The following SEMA3D variants were observed in gnomAD, a reference collection of about 807,000 sequenced individuals.
SEMA3D encodes the protein semaphorin 3D, also known as semaphorin-3D.
A neutral mutation model predicts 100.1 loss-of-function variants in SEMA3D; 84 were observed. That is an observed-to-expected ratio of 0.84 (90% CI 0.70 to 1.01). The LOEUF (loss-of-function observed/expected upper bound fraction) is 1.01. Among genes scored for constraint, SEMA3D ranks in the 50% least tolerant of loss-of-function variants. SEMA3D has a pLI of 0.00. For missense variants in SEMA3D, 875 were observed against 934.1 expected, an observed-to-expected ratio of 0.94 and a Z score of 0.82; for synonymous variants, 312 against 320.7, an observed-to-expected ratio of 0.97 and a Z score of 0.29.
At chr7:85,083,710 G>A (rs1361252768) in intron 4 of SEMA3D, among the ~76,000 whole-genome samples, 8 of 151,642 alleles carry the variant, frequency 5.3e-5, no homozygotes, top group Admixed American at 1.3e-4. Context: ...AGCCGGGCGT[G>A]GTGGCGGGCG....
chr7:84,996,706 C>G lies in SEMA3D; in HGVS notation c.*2734G>C, dbSNP rs1789510503. On this transcript the variant is annotated 3_prime_UTR_variant, in exon 19 of 19. Coordinates refer to ENST00000284136, the MANE Select transcript of SEMA3D (RefSeq NM_001384900.1). Reference sequence around the variant, plus strand: ...AAAGAACACACAAGGCAGACAAAGACAAAAGTATTAGAGACAAGAAAAATA... The same window carrying G: ...AAAGAACACACAAGGCAGACAAAGAGAAAAGTATTAGAGACAAGAAAAATA... 1 of 152,160 alleles carries G rather than the reference C, an allele frequency of 6.6e-6. No homozygotes were observed. Among genetic ancestry groups the G allele is most frequent in the South Asian group, 2.1e-4 (1 of 4,828 alleles). The allele number at this position is 152,160 out of a possible 1,614,324, so 9.4% of individuals were successfully genotyped here.
intron 12 of SEMA3D, among the ~76,000 whole-genome samples, chr7:85,027,083 C>CA (rs1385522553): frequency 3.3e-5 from 5 of 152,004 alleles, no homozygotes; most frequent in Non-Finnish European, 7.4e-5. Flanking sequence ...AAAGCAAAAT[C>CA]AGAAACCAAG....
At chr7:85,027,399 G>A (rs1790420915) in intron 12 of SEMA3D, among the ~76,000 whole-genome samples, 1 of 151,986 alleles carries the variant, frequency 6.6e-6, no homozygotes, top group Admixed American at 6.6e-5. Context: ...GAAATTTTTA[G>A]CATTTGCCAT....
At chr7:85,200,768 T>A in the SEMA3D span, among the ~76,000 whole-genome samples, 1 of 152,090 alleles carries the variant, frequency 6.6e-6, no homozygotes, top group African/African-American at 2.4e-5. Flanking sequence ...GCCCCTCCCA[T>A]CACAGGCCAG....
chr7:85,150,621 A>G (rs923383523), intron 2 of SEMA3D, among the ~76,000 whole-genome samples: 6 of 151,312 alleles, frequency 4.0e-5, no homozygotes, highest in Non-Finnish European at 7.4e-5. Context: ...CAATGTACTA[A>G]TCAATTTACT....
chr7:85,139,016 G>GTA (rs1486615504), intron 2 of SEMA3D, among the ~76,000 whole-genome samples: 1 of 152,112 alleles, frequency 6.6e-6, no homozygotes, highest in Non-Finnish European at 1.5e-5. Flanking sequence ...AAAGATAAAT[G>GTA]TATAATTTTG....
the SEMA3D span, among the ~76,000 whole-genome samples, chr7:85,232,797 CAAAT>C: frequency 6.6e-6 from 1 of 152,068 alleles, no homozygotes; most frequent in Non-Finnish European, 1.5e-5. Flanking sequence ...TCTATTGAAA[CAAAT>C]AAACAAGCAA....
At position 84,999,186 on chromosome 7, in the gene SEMA3D, A is replaced by C; in HGVS notation, c.*254T>G. On this transcript the variant is annotated 3_prime_UTR_variant, in exon 19 of 19. Coordinates refer to ENST00000284136, the MANE Select transcript of SEMA3D (RefSeq NM_001384900.1). Reference sequence around the variant, plus strand: ...AATTCCAAAACTCAAAACATAAAACATTTACAACTGTAAACCCCCTATTTT... The same window carrying C: ...AATTCCAAAACTCAAAACATAAAACCTTTACAACTGTAAACCCCCTATTTT... 2.1e-6 allele frequency: 1 copy of C among 481,834 alleles called. No homozygotes were observed. The allele number at this position is 481,834 out of a possible 1,614,324, so 29.8% of individuals were successfully genotyped here.
chr7:85,104,074 G>A (rs1298432093), intron 3 of SEMA3D, among the ~76,000 whole-genome samples: 1 of 152,056 alleles, frequency 6.6e-6, no homozygotes, highest in East Asian at 1.9e-4. Context: ...CATGTAGTTA[G>A]TAATCATATT....
At chr7:85,236,281 T>TTTTATTTATTTA in the SEMA3D span, among the ~76,000 whole-genome samples, 37 of 132,008 alleles carry the variant, frequency 2.8e-4, no homozygotes, top group South Asian at 6.7e-4. Context: ...TTTTATTTTA[T>TTTTATTTATTTA]TTTATTTATT....
At chr7:85,237,989 C>T in the SEMA3D span, among the ~76,000 whole-genome samples, 1 of 152,172 alleles carries the variant, frequency 6.6e-6, no homozygotes. Context: ...GATACCAGTA[C>T]TGTTTTAATT....
At chr7:85,082,149 C>A (rs1425964018) in intron 4 of SEMA3D, among the ~76,000 whole-genome samples, 1 of 152,170 alleles carries the variant, frequency 6.6e-6, no homozygotes, top group African/African-American at 2.4e-5. Context: ...TGTACTTATT[C>A]TTCCCATTTT....
chr7:85,167,478 A>T (rs1221983287), intron 1 of SEMA3D: 1 of 609,196 alleles, frequency 1.6e-6, no homozygotes, highest in South Asian at 7.3e-5. Flanking sequence ...TATTTGTGGT[A>T]GATTAGTAAG....
At chr7:85,182,023 C>A (rs1335733585) in intron 1 of SEMA3D, among the ~76,000 whole-genome samples, 1 of 152,076 alleles carries the variant, frequency 6.6e-6, no homozygotes, top group East Asian at 1.9e-4. Flanking sequence ...TCAAAATAAT[C>A]TCAAAAGTGT....
chr7:85,202,015 AGTCTCT>A, the SEMA3D span, among the ~76,000 whole-genome samples: 2 of 150,940 alleles, frequency 1.3e-5, no homozygotes, highest in Non-Finnish European at 3.0e-5. Flanking sequence ...CTATCACACT[AGTCTCT>A]GTCTCTCTCT....
At chr7:85,112,576 T>G (rs1470611478) in intron 3 of SEMA3D, among the ~76,000 whole-genome samples, 1 of 152,310 alleles carries the variant, frequency 6.6e-6, no homozygotes, top group Non-Finnish European at 1.5e-5. Context: ...GGCCTTGAAC[T>G]AGATAAATAA....
intron 4 of SEMA3D, among the ~76,000 whole-genome samples, chr7:85,097,309 C>T (rs1257312179): frequency 6.6e-6 from 1 of 151,604 alleles, no homozygotes; most frequent in East Asian, 1.9e-4. Context: ...GAGTGATTGA[C>T]TTGTAGGAGA....
intron 2 of SEMA3D, among the ~76,000 whole-genome samples, chr7:85,124,472 G>A (rs1789511902): frequency 6.6e-6 from 1 of 151,744 alleles, no homozygotes; most frequent in Admixed American, 6.6e-5. Context: ...TATAAGGTGA[G>A]GAAATGAATA....
At chr7:85,224,060 G>GA in the SEMA3D span, among the ~76,000 whole-genome samples, 2 of 152,034 alleles carry the variant, frequency 1.3e-5, no homozygotes, top group South Asian at 4.2e-4. Flanking sequence ...ATTTTCAAAT[G>GA]AAAAAAATTA....
Sources: allele counts gnomAD v4.1 joint callset (sites outside exome capture counted in the v4.1 genomes callset), GRCh38; gene constraint gnomAD v4.1.1; transcripts MANE v1.5; gene names NCBI Gene and HGNC (gene_info 2026-07-23, HGNC 2026-07-21).